SPACA7: variants seen among roughly 807,000 people sequenced by gnomAD.
SPACA7 encodes the protein sperm acrosome associated 7.
In SPACA7, 19 loss-of-function variants were observed where a neutral mutation model predicts 26.3. The ratio of observed to expected loss-of-function variants is 0.72; its 90% CI spans 0.50 to 1.06. The LOEUF is 1.06. Among genes scored for constraint, SPACA7 ranks in the 50% least tolerant of loss-of-function variants. The pLI, the probability that SPACA7 is intolerant of heterozygous loss-of-function variation, is 0.00. For missense variants in SPACA7, 211 were observed against 229.9 expected (o/e 0.92, Z 0.53); for synonymous variants, 84 against 84.5 (o/e 0.99, Z 0.04).
rs530310497 is a variant in SPACA7 at position 112,381,595 on chromosome 13, G to A, written c.94+5116G>A. ...CAATTCTTCAAGACAGGGGAACTGCGATAGAGAAAGAGTAATTCACGCAGA... is the reference window on the plus strand; with the variant it reads ...CAATTCTTCAAGACAGGGGAACTGCAATAGAGAAAGAGTAATTCACGCAGA... On this transcript the variant is annotated intron_variant, in intron 1 of 6. Coordinates refer to ENST00000283550, the MANE Select transcript of SPACA7 (RefSeq NM_145248.5). Among the ~76,000 whole-genome samples the A allele has an allele frequency of 3.5e-4, 54 of 152,236 alleles. No individual in the cohort carries two copies. In the South Asian group the frequency reaches 8.5e-3, roughly 24 times the overall value.
intron 2 of SPACA7, among the ~76,000 whole-genome samples, chr13:112,395,205 G>A (rs187321773): frequency 2.0e-5 from 3 of 152,344 alleles, no homozygotes; most frequent in African/African-American, 7.2e-5. Flanking sequence ...GGTGTGCTGG[G>A]GATGGCTCAT....
At chr13:112,424,916 C>T (rs1876379913) in intron 5 of SPACA7, among the ~76,000 whole-genome samples, 1 of 152,206 alleles carries the variant, frequency 6.6e-6, no homozygotes, top group Admixed American at 6.5e-5. Flanking sequence ...GTGCACCCTC[C>T]ATGCCGACCC....
At chr13:112,385,611 A>G (rs912201465) in intron 1 of SPACA7, among the ~76,000 whole-genome samples, 1 of 152,186 alleles carries the variant, frequency 6.6e-6, no homozygotes, top group African/African-American at 2.4e-5. Context: ...AAAGTCAAGG[A>G]AATAGTTTGA....
intron 5 of SPACA7, among the ~76,000 whole-genome samples, chr13:112,419,021 TA>T (rs67747631): frequency 1.7e-4 from 25 of 144,320 alleles, no homozygotes; most frequent in East Asian, 2.0e-4. Flanking sequence ...AGACTCCATT[TA>T]AAAAAAAAAA....
At chr13:112,382,334 A>G in intron 1 of SPACA7, 1 of 1,308,174 alleles carries the variant, frequency 7.6e-7, no homozygotes, top group Non-Finnish European at 1.0e-6. Flanking sequence ...TCTTGACCTC[A>G]TGGTCCGCCC....
In SPACA7 at chr13:112,379,755, T is replaced by C. The variant is rs143029008; in HGVS notation, c.94+3276T>C. Among the ~76,000 whole-genome samples the C allele has an allele frequency of 4.4e-3, 677 of 152,316 alleles. 14 individuals carry two copies. Among genetic ancestry groups the C allele is most frequent in the Admixed American group, 0.04 (619 of 15,290 alleles). ...ATCCTTTGAGATTTTCTAGTGGCCC[T>C]CTGGGAAATCTCAAAATTAGTTTGA... On this transcript the variant is annotated intron_variant, in intron 1 of 6. Transcript: ENST00000283550.
At chr13:112,412,317 A>T (rs1280701048) in intron 5 of SPACA7, among the ~76,000 whole-genome samples, 7 of 151,518 alleles carry the variant, frequency 4.6e-5, no homozygotes, top group Non-Finnish European at 1.0e-4. Flanking sequence ...TTTGCTACAG[A>T]GTTGTTTGAG....
intron 4 of SPACA7, among the ~76,000 whole-genome samples, chr13:112,399,509 C>T (rs1042169223): frequency 3.9e-5 from 6 of 152,260 alleles, no homozygotes; most frequent in African/African-American, 1.2e-4. Flanking sequence ...AGTCACTTCT[C>T]CTTCACAGGG....
Position 112,394,660 on chromosome 13 carries a change from G to C in SPACA7, c.151+1583G>C, listed in dbSNP as rs12872682. The stretch of plus-strand genomic sequence containing the variant: ...CCCGTCCACTTTCTGGGTACTCAAG[G>C]GAACTGCCCCAGGCAGGAGTTAGAC... On this transcript the variant is annotated intron_variant, in intron 2 of 6. Coordinates refer to ENST00000283550, the MANE Select transcript of SPACA7 (RefSeq NM_145248.5). 8.2e-3 allele frequency among the ~76,000 whole-genome samples: 1,222 copies of C among 149,828 alleles called. 8 individuals are homozygous for C. The highest frequency in any genetic ancestry group is 0.033 in the South Asian group (149 of 4,548).
chr13:112,399,641 C>T lies in SPACA7; in HGVS notation c.349+468C>T, dbSNP rs193016469. ...GTGCAAAGGCTCAGAGGATAAGATACTTGGACCCCATGGAGGGGCAAAATA... is the reference window on the plus strand; with the variant it reads ...GTGCAAAGGCTCAGAGGATAAGATATTTGGACCCCATGGAGGGGCAAAATA... On this transcript the variant is annotated intron_variant, in intron 4 of 6. Coordinates refer to ENST00000283550, the MANE Select transcript of SPACA7 (RefSeq NM_145248.5). Among the ~76,000 whole-genome samples, 11 of 152,346 alleles carry T rather than the reference C, an allele frequency of 7.2e-5. No individual in the cohort carries two copies. In the East Asian group the frequency reaches 1.9e-3, roughly 27 times the overall value.
At chr13:112,404,104 G>T (rs1262715223) in intron 5 of SPACA7, among the ~76,000 whole-genome samples, 2 of 151,966 alleles carry the variant, frequency 1.3e-5, no homozygotes, top group African/African-American at 4.8e-5. Flanking sequence ...TTGATTTTTT[G>T]ATTATGGCCA....
chr13:112,434,540 C>T lies in SPACA7; in HGVS notation c.579C>T (p.Gly193=), dbSNP rs1329692933. ...QRTSAQRRSQ[G]SQ The stretch of plus-strand genomic sequence containing the variant: ...CCAGCGCACAGAGGAGGAGCCAAGG[C>T]AGTCAGTGAGGCCGCAGCCCCAGAC... The change falls in exon 7 of 7, where the codon GGC becomes GGT. Residue 193 remains glycine, a synonymous_variant. Coordinates refer to ENST00000283550, the MANE Select transcript of SPACA7 (RefSeq NM_145248.5). 6.2e-7 allele frequency: 1 copy of T among 1,607,926 alleles called. No homozygotes were observed. The highest frequency in any genetic ancestry group is 2.2e-5 in the East Asian group (1 of 44,702).
intron 2 of SPACA7, among the ~76,000 whole-genome samples, chr13:112,395,142 G>A (rs1214635574): frequency 6.6e-6 from 1 of 152,204 alleles, no homozygotes; most frequent in African/African-American, 2.4e-5. Context: ...TCAGGCAGGG[G>A]ATGGGGCCTC....
chr13:112,409,546 G>C (rs965953214), intron 5 of SPACA7, among the ~76,000 whole-genome samples: 24 of 152,098 alleles, frequency 1.6e-4, no homozygotes, highest in African/African-American at 5.8e-4. Context: ...CCATCAAAAA[G>C]TGGGTGAAGG....
At chr13:112,432,048 G>A (rs1470362151) in intron 5 of SPACA7, among the ~76,000 whole-genome samples, 1 of 152,218 alleles carries the variant, frequency 6.6e-6, no homozygotes, top group Non-Finnish European at 1.5e-5. Context: ...CGGGTCCAAG[G>A]ACCACGGCTC....
intron 5 of SPACA7, among the ~76,000 whole-genome samples, chr13:112,428,712 A>G (rs955545335): frequency 6.6e-4 from 101 of 152,246 alleles, no homozygotes; most frequent in Non-Finnish European, 1.1e-3. Context: ...AATATATGTT[A>G]TATGGCATGA....
At chr13:112,416,435 TG>T (rs556594361) in intron 5 of SPACA7, among the ~76,000 whole-genome samples, 5 of 152,032 alleles carry the variant, frequency 3.3e-5, no homozygotes, top group Non-Finnish European at 5.9e-5. Context: ...TATAGGCACC[TG>T]CCACCATGCC....
At chr13:112,381,679 C>A (rs898751917) in intron 1 of SPACA7, among the ~76,000 whole-genome samples, 1 of 152,074 alleles carries the variant, frequency 6.6e-6, no homozygotes, top group African/African-American at 2.4e-5. Context: ...CCCAGGCATT[C>A]GGGAAACAGA....
chr13:112,414,124 C>A (rs1474213454), intron 5 of SPACA7, among the ~76,000 whole-genome samples: 1 of 152,058 alleles, frequency 6.6e-6, no homozygotes, highest in Non-Finnish European at 1.5e-5. Context: ...CCCTCATGAC[C>A]CAAACACCTC....
Sources: allele counts gnomAD v4.1 joint callset (sites outside exome capture counted in the v4.1 genomes callset), GRCh38; gene constraint gnomAD v4.1.1; transcripts MANE v1.5; gene names NCBI Gene and HGNC (gene_info 2026-07-23, HGNC 2026-07-21).